The following PXK variants were observed in gnomAD, a reference collection of about 807,000 sequenced individuals.
The protein encoded by PXK is PX domain containing serine/threonine kinase like.
A neutral mutation model predicts 84.7 loss-of-function variants in PXK; 35 were observed. The ratio of observed to expected loss-of-function variants is 0.41; its 90% CI spans 0.32 to 0.55. The LOEUF (loss-of-function observed/expected upper bound fraction) is 0.55. Ranked by LOEUF, PXK falls within the 20% of genes least tolerant of loss-of-function variation. The pLI is 0.21. For synonymous variants in PXK, 253 were observed against 260.8 expected, an observed-to-expected ratio of 0.97 and a Z score of 0.29; for missense variants, 634 against 699.7, an observed-to-expected ratio of 0.91 and a Z score of 1.06.
In PXK at chr3:58,421,714, C is replaced by T; in HGVS notation, c.1529-3038C>T. On this transcript the variant is annotated intron_variant, in intron 17 of 17. Transcript: ENST00000356151. The surrounding 1 kb of genome is among the most constrained non-coding windows in gnomAD (Gnocchi z 5.5). ...AGCATTCTCTGCCCTCTGACAGGGCCTCTGCTGGACTGCCAGGTTCCCGTG... is the reference window on the plus strand; with the variant it reads ...AGCATTCTCTGCCCTCTGACAGGGCTTCTGCTGGACTGCCAGGTTCCCGTG... 2 of 985,432 alleles carry T rather than the reference C, an allele frequency of 2.0e-6. No homozygotes were observed. Among genetic ancestry groups the T allele is most frequent in the Non-Finnish European group, 2.4e-6 (2 of 829,936 alleles). The allele number at this position is 985,432 out of a possible 1,614,324, so 61.0% of individuals were successfully genotyped here.
At chr3:58,334,519 G>T (rs1384671810) in intron 1 of PXK, among the ~76,000 whole-genome samples, 1 of 152,174 alleles carries the variant, frequency 6.6e-6, no homozygotes, top group Non-Finnish European at 1.5e-5. Flanking sequence ...TCAGGGAATA[G>T]TGTCGAGTCC....
chr3:58,399,245 G>A lies in PXK; in HGVS notation c.1103-54G>A, dbSNP rs756051312. On this transcript the variant is annotated intron_variant, in intron 11 of 17. Coordinates refer to ENST00000356151, the MANE Select transcript of PXK (RefSeq NM_017771.5). This position sits in a 1 kb window ranked among gnomAD's most constrained non-coding sequence, Gnocchi z 4.3. The stretch of plus-strand genomic sequence containing the variant: ...GTGGTGTTAAACTTTTCATCAGCAA[G>A]TGGATTTGCCAGCGTGTTCTGTGGA... 32 of 1,508,938 alleles carry A rather than the reference G, an allele frequency of 2.1e-5. No homozygotes were observed. The highest frequency in any genetic ancestry group is 5.0e-5 in the Admixed American group (3 of 59,676). The allele number at this position is 1,508,938 out of a possible 1,614,324, so 93.5% of individuals were successfully genotyped here. A position where few individuals can be genotyped will look rare whatever the true frequency, so the allele number is the denominator to read the frequency against.
In PXK at chr3:58,426,008, A is replaced by T. The variant is rs980426480; in HGVS notation, c.*1048A>T. 1 of 152,230 alleles carries T rather than the reference A, an allele frequency of 6.6e-6. No individual in the cohort carries two copies. Among genetic ancestry groups the T allele is most frequent in the African/African-American group, 2.4e-5 (1 of 41,460 alleles). The allele number at this position is 152,230 out of a possible 1,614,324, so 9.4% of individuals were successfully genotyped here. On this transcript the variant is annotated 3_prime_UTR_variant, in exon 18 of 18. Transcript: ENST00000356151. ...TTATGTCAGCTGTATTTTTTATTAA[A>T]ATCATGTCAAGAAAACGTGTTGTCT...
Position 58,370,517 on chromosome 3 carries a change from C to T in PXK, c.201+1039C>T, listed in dbSNP as rs1199030449. On this transcript the variant is annotated intron_variant, in intron 3 of 17. Transcript: ENST00000356151. This position sits in a 1 kb window ranked among gnomAD's most constrained non-coding sequence, Gnocchi z 4.2. ...CCCTTTAAACCTGAGGAAGAGTGCACGGCTTATGAGGTAAAGGACTCAGCC... is the reference window on the plus strand; with the variant it reads ...CCCTTTAAACCTGAGGAAGAGTGCATGGCTTATGAGGTAAAGGACTCAGCC... 6.6e-6 allele frequency among the ~76,000 whole-genome samples: 1 copy of T among 152,078 alleles called. No individual in the cohort carries two copies. Among genetic ancestry groups the T allele is most frequent in the Non-Finnish European group, 1.5e-5 (1 of 68,026 alleles).
At chr3:58,357,394 T>G (rs1459504703) in intron 1 of PXK, among the ~76,000 whole-genome samples, 1 of 152,178 alleles carries the variant, frequency 6.6e-6, no homozygotes, top group African/African-American at 2.4e-5. Context: ...CTGGAAGGTC[T>G]TCTGGGGCAA....
At chr3:58,406,121 C>T (rs1036239128) in intron 13 of PXK, among the ~76,000 whole-genome samples, 5 of 152,052 alleles carry the variant, frequency 3.3e-5, no homozygotes, top group Non-Finnish European at 5.9e-5. Context: ...CATGCGCCAC[C>T]ACGCCTGGCT....
At chr3:58,420,777 C>T in intron 17 of PXK, 2 of 1,370,048 alleles carry the variant, frequency 1.5e-6, no homozygotes, top group South Asian at 3.6e-5. Flanking sequence ...TTCATCATGA[C>T]CTTCAAAATC....
In PXK at chr3:58,333,929, C is replaced by A. The variant is rs2097543086; in HGVS notation, c.102+839C>A. ...GCATTATAATTTCCAAGCAATAAAT[C>A]TAGGAACCAGCAAGAAACCTGGAGC... is the stretch of plus-strand genomic sequence containing the variant. On this transcript the variant is annotated intron_variant, in intron 1 of 17. Transcript: ENST00000356151. This position sits in a 1 kb window ranked among gnomAD's most constrained non-coding sequence, Gnocchi z 5.4. 6.7e-6 allele frequency among the ~76,000 whole-genome samples: 1 copy of A among 149,668 alleles called. No homozygotes were observed.
intron 1 of PXK, among the ~76,000 whole-genome samples, chr3:58,346,832 C>A (rs1200125906): frequency 1.3e-5 from 1 of 79,734 alleles, no homozygotes; most frequent in African/African-American, 4.9e-5. Context: ...TAATTGTGTC[C>A]TTTTTTTGGG....
intron 1 of PXK, among the ~76,000 whole-genome samples, chr3:58,347,303 A>G (rs1376723945): frequency 6.6e-6 from 1 of 152,214 alleles, no homozygotes; most frequent in African/African-American, 2.4e-5. Context: ...TATTTTAAGT[A>G]TACAATTTGA....
chr3:58,346,920 C>T (rs902535141), intron 1 of PXK, among the ~76,000 whole-genome samples: 1 of 152,126 alleles, frequency 6.6e-6, no homozygotes, highest in African/African-American at 2.4e-5. Flanking sequence ...CTCACTGCAA[C>T]CTCCGCCTCC....
intron 3 of PXK, among the ~76,000 whole-genome samples, chr3:58,375,261 G>C (rs985803923): frequency 6.6e-6 from 1 of 152,096 alleles, no homozygotes. Flanking sequence ...CAAATCTGTC[G>C]ATACTGGGTA....
chr3:58,380,120 A>C (rs2098483800), intron 3 of PXK, among the ~76,000 whole-genome samples: 1 of 152,218 alleles, frequency 6.6e-6, no homozygotes, highest in Admixed American at 6.5e-5. Context: ...CAATACAATA[A>C]AAGGCCAAAT....
rs759309199 is a variant in PXK, at chr3:58,397,709, G to T, written c.1089G>T (p.Pro363=). 1 of 1,613,296 alleles carries T rather than the reference G, an allele frequency of 6.2e-7. No individual in the cohort carries two copies. ...CTGTGGACTCCTTCCCTCCTGCCCC[G>T]TCCATGGCTGTGGGTCAGTATGGGG... is the stretch of plus-strand genomic sequence containing the variant. ...SVPVDSFPPA[P]SMAVVAVLES... The change falls in exon 11 of 18, where the codon CCG becomes CCT. Residue 363 remains proline (P), a synonymous_variant. Coordinates refer to ENST00000356151, the MANE Select transcript of PXK (RefSeq NM_017771.5). This position sits in a 1 kb window ranked among gnomAD's most constrained non-coding sequence, Gnocchi z 4.7.
intron 1 of PXK, among the ~76,000 whole-genome samples, chr3:58,354,332 G>T (rs1575864823): frequency 6.6e-6 from 1 of 152,164 alleles, no homozygotes. Context: ...TTAAGAGGAG[G>T]TGGGGAGATA....
chr3:58,343,916 T>C (rs2097775853), intron 1 of PXK, among the ~76,000 whole-genome samples: 1 of 152,236 alleles, frequency 6.6e-6, no homozygotes, highest in South Asian at 2.1e-4. Flanking sequence ...TTCCTTCCTC[T>C]GAAATTCCCA....
At chr3:58,381,836 G>A (rs572717516) in intron 3 of PXK, among the ~76,000 whole-genome samples, 1 of 152,200 alleles carries the variant, frequency 6.6e-6, no homozygotes, top group East Asian at 1.9e-4. Flanking sequence ...ATTGTCAAAA[G>A]ATCAGCTGAG....
rs79725811 is a variant in PXK, at chr3:58,420,646, G to A, written c.1529-4106G>A. On this transcript the variant is annotated intron_variant, in intron 17 of 17. Transcript: ENST00000356151. Reference sequence around the variant, plus strand: ...TGTGAAATAGGACCCAAAGTGTCTCGATTGCTGAAGTGATGAACAAGTGGG... The same window carrying A: ...TGTGAAATAGGACCCAAAGTGTCTCAATTGCTGAAGTGATGAACAAGTGGG... 13,582 of 1,530,902 alleles carry A rather than the reference G, an allele frequency of 8.9e-3. 90 individuals carry two copies. Among genetic ancestry groups the A allele is most frequent in the Non-Finnish European group, 0.011 (12,386 of 1,143,830 alleles). 94.8% of individuals were successfully genotyped at this position (1,530,902 alleles called of 1,614,324 possible).
chr3:58,366,018 C>A (rs1440104569), intron 2 of PXK, 94 bp downstream of exon 2: 2 of 984,666 alleles, frequency 2.0e-6, no homozygotes, highest in East Asian at 5.3e-5. Context: ...CTGGAAAAAT[C>A]AGAACATGCA....
Sources: allele counts gnomAD v4.1 joint callset (sites outside exome capture counted in the v4.1 genomes callset), GRCh38; gene constraint gnomAD v4.1.1; non-coding constraint Gnocchi (gnomAD v3.1); transcripts MANE v1.5; gene names NCBI Gene and HGNC (gene_info 2026-07-23, HGNC 2026-07-21).